Variants in TSPAN5 observed in about 807,000 individuals in gnomAD.
The protein encoded by TSPAN5 is tetraspanin 5.
In TSPAN5, 10 loss-of-function variants were observed where a neutral mutation model predicts 37.1. The observed-to-expected ratio is 0.27, with a 90% CI of 0.17 to 0.46. The LOEUF is 0.46. Ranked by LOEUF, TSPAN5 falls within the 20% of genes least tolerant of loss-of-function variation. The pLI is 1.00. For missense variants in TSPAN5, 195 were observed against 326.6 expected (o/e 0.60, Z 3.11); for synonymous variants, 110 against 118.9 (o/e 0.93, Z 0.48).
rs992077438 is a variant in TSPAN5, at chr4:98,472,295, C to T, written c.*227G>A. 9.4e-6 allele frequency: 4 copies of T among 424,088 alleles called. No individual in the cohort carries two copies. Among genetic ancestry groups the T allele is most frequent in the African/African-American group, 8.2e-5 (4 of 48,606 alleles). 26.3% of individuals were successfully genotyped at this position (424,088 alleles called of 1,614,324 possible). On this transcript the variant is annotated 3_prime_UTR_variant, in exon 8 of 8. Transcript: ENST00000305798. ...CTAACTGTCCATAAATTCATGGCTA[C>T]AGTAGAGATTCACGGCGCAACGACT...
In TSPAN5 at chr4:98,622,419, G is replaced by A. The variant is rs28682330; in HGVS notation, c.81+35727C>T. 7.7e-3 allele frequency among the ~76,000 whole-genome samples: 1,171 copies of A among 152,202 alleles called. 21 individuals are homozygous for A. The highest frequency in any genetic ancestry group is 0.027 in the African/African-American group (1,128 of 41,508). On this transcript the variant is annotated intron_variant, in intron 1 of 7. Coordinates refer to ENST00000305798, the MANE Select transcript of TSPAN5 (RefSeq NM_005723.4). Reference sequence around the variant, plus strand: ...TTGAACACCTGTTTTCAATTCTTTTGGAAATGTATACCTAGGGGTAAAACT... The same window carrying A: ...TTGAACACCTGTTTTCAATTCTTTTAGAAATGTATACCTAGGGGTAAAACT...
At chr4:98,602,977 T>C (rs915211202) in intron 1 of TSPAN5, among the ~76,000 whole-genome samples, 6 of 152,164 alleles carry the variant, frequency 3.9e-5, no homozygotes, top group Admixed American at 6.5e-5. Context: ...TGGGGAAAAT[T>C]TTACTTTACC....
chr4:98,533,329 G>T (rs1263243963), intron 1 of TSPAN5, among the ~76,000 whole-genome samples: 1 of 151,622 alleles, frequency 6.6e-6, no homozygotes, highest in Non-Finnish European at 1.5e-5. Context: ...TGGACATTTT[G>T]TTGGTAGGCT....
intron 7 of TSPAN5, among the ~76,000 whole-genome samples, chr4:98,474,246 T>C (rs10029044): frequency 1.3e-5 from 2 of 152,224 alleles, no homozygotes; most frequent in African/African-American, 2.4e-5. Context: ...AATTCATTAT[T>C]TTGCATATCT....
intron 1 of TSPAN5, among the ~76,000 whole-genome samples, chr4:98,654,787 C>G (rs1230900254): frequency 6.6e-6 from 1 of 152,174 alleles, no homozygotes; most frequent in African/African-American, 2.4e-5. Context: ...GAGAGAAGCA[C>G]GGACACTATA....
chr4:98,569,584 T>A (rs897368457), intron 1 of TSPAN5, among the ~76,000 whole-genome samples: 2 of 152,134 alleles, frequency 1.3e-5, no homozygotes, highest in Admixed American at 6.5e-5. Context: ...ACCAACAGTG[T>A]AAACTAGAGT....
At chr4:98,473,313 T>C (rs1431546797) in intron 7 of TSPAN5, among the ~76,000 whole-genome samples, 1 of 152,250 alleles carries the variant, frequency 6.6e-6, no homozygotes, top group Non-Finnish European at 1.5e-5. Flanking sequence ...AGGGTTTCGT[T>C]TTCTCCACAT....
Position 98,538,527 on chromosome 4 carries a change from G to A in TSPAN5, c.82-30799C>T, listed in dbSNP as rs143025565. Among the ~76,000 whole-genome samples, 727 of 152,312 alleles carry A rather than the reference G, an allele frequency of 4.8e-3. 4 individuals are homozygous for A. Among genetic ancestry groups the A allele is most frequent in the Middle Eastern group, 0.014 (4 of 294 alleles). ...CACATCCATATGACTACTGCAACCTGTGGCTCAAAGTCAGCTGAAAAATGG... is the reference window on the plus strand; with the variant it reads ...CACATCCATATGACTACTGCAACCTATGGCTCAAAGTCAGCTGAAAAATGG... On this transcript the variant is annotated intron_variant, in intron 1 of 7. Coordinates refer to ENST00000305798, the MANE Select transcript of TSPAN5 (RefSeq NM_005723.4).
intron 1 of TSPAN5, among the ~76,000 whole-genome samples, chr4:98,643,579 T>C (rs1264772752): frequency 2.0e-5 from 3 of 152,210 alleles, no homozygotes; most frequent in African/African-American, 7.2e-5. Context: ...AAATAGTGAC[T>C]CTGTATCTTT....
chr4:98,481,649 T>A (rs562430593), intron 4 of TSPAN5, among the ~76,000 whole-genome samples: 1 of 152,276 alleles, frequency 6.6e-6, no homozygotes, highest in South Asian at 2.1e-4. Flanking sequence ...GGGCAAGGGA[T>A]AAGAAAGAAT....
At chr4:98,505,325 T>C (rs1002980261) in intron 2 of TSPAN5, among the ~76,000 whole-genome samples, 2 of 152,216 alleles carry the variant, frequency 1.3e-5, no homozygotes, top group Admixed American at 6.5e-5. Flanking sequence ...CTGCCCAGTC[T>C]GGCCTCTACC....
At chr4:98,568,268 C>T (rs1409513271) in intron 1 of TSPAN5, among the ~76,000 whole-genome samples, 1 of 152,114 alleles carries the variant, frequency 6.6e-6, no homozygotes, top group Non-Finnish European at 1.5e-5. Flanking sequence ...GGAGGCCAGG[C>T]ACGGTGGTTC....
intron 1 of TSPAN5, among the ~76,000 whole-genome samples, chr4:98,522,760 AG>A (rs1753882603): frequency 6.6e-6 from 1 of 152,242 alleles, no homozygotes; most frequent in Admixed American, 6.5e-5. Flanking sequence ...TTACTGGCTC[AG>A]TGACTCACAA....
At chr4:98,516,138 T>G (rs1013308918) in intron 1 of TSPAN5, among the ~76,000 whole-genome samples, 1 of 152,144 alleles carries the variant, frequency 6.6e-6, no homozygotes, top group Admixed American at 6.5e-5. Context: ...TCCATCTACA[T>G]CCCCCTTTCT....
intron 1 of TSPAN5, among the ~76,000 whole-genome samples, chr4:98,528,227 T>C (rs4447870): frequency 0.77 from 117,663 of 152,060 alleles, 46,320 homozygotes; most frequent in African/African-American, 0.92. Context: ...ATATATGAAC[T>C]CTCTTTAAAA....
intron 1 of TSPAN5, among the ~76,000 whole-genome samples, chr4:98,647,884 T>C (rs928195752): frequency 1.4e-5 from 2 of 147,272 alleles, no homozygotes; most frequent in Non-Finnish European, 3.0e-5. Flanking sequence ...AAAAAAGGAG[T>C]GGTGTTAGAC....
At chr4:98,605,213 C>T (rs1246758574) in intron 1 of TSPAN5, among the ~76,000 whole-genome samples, 1 of 152,112 alleles carries the variant, frequency 6.6e-6, no homozygotes, top group Non-Finnish European at 1.5e-5. Context: ...TCAAAAACCG[C>T]AAGGTTTGAA....
rs114487736 is a variant in TSPAN5 at position 98,599,994 on chromosome 4, G to C, written c.81+58152C>G. Reference sequence around the variant, plus strand: ...TACAGATATATCTTGGAGATATGCAGGTTCCATTCTAGACCACAGTACTAA... The same window carrying C: ...TACAGATATATCTTGGAGATATGCACGTTCCATTCTAGACCACAGTACTAA... On this transcript the variant is annotated intron_variant, in intron 1 of 7. Coordinates refer to ENST00000305798, the MANE Select transcript of TSPAN5 (RefSeq NM_005723.4). 6.4e-3 allele frequency among the ~76,000 whole-genome samples: 974 copies of C among 152,146 alleles called. 12 individuals are homozygous for C. The highest frequency in any genetic ancestry group is 0.022 in the African/African-American group (926 of 41,510).
intron 1 of TSPAN5, among the ~76,000 whole-genome samples, chr4:98,564,843 A>G (rs572389622): frequency 1.3e-5 from 2 of 152,224 alleles, no homozygotes; most frequent in African/African-American, 4.8e-5. Flanking sequence ...TACTGTCACT[A>G]AATAAAAAAG....
Sources: gnomAD v4.1 joint callset for allele counts (sites outside exome capture counted in the v4.1 genomes callset) on GRCh38, gnomAD v4.1.1 for gene constraint, MANE v1.5 for transcripts, NCBI Gene and HGNC (gene_info 2026-07-23, HGNC 2026-07-21) for gene names.